MGA: variants seen among roughly 807,000 people sequenced by gnomAD.
MGA encodes MAX dimerization protein MGA, also known as MAX gene-associated protein.
In MGA, 40 loss-of-function variants were observed where a neutral mutation model predicts 261.1. The ratio of observed to expected loss-of-function variants is 0.15; its 90% CI spans 0.12 to 0.20. MGA has a LOEUF of 0.20. Ranked by LOEUF, MGA falls within the 10% of genes least tolerant of loss-of-function variation. The probability of loss-of-function intolerance (pLI) is 1.00; values close to 1 mark genes in which losing one functional copy is unlikely to be tolerated. For synonymous variants in MGA, 1,302 were observed against 1,290.6 expected, an observed-to-expected ratio of 1.01 and a Z score of -0.19; for missense variants, 3,397 against 3,630.5, an observed-to-expected ratio of 0.94 and a Z score of 1.65.
chr15:41,732,606 A>G (rs2061568373), intron 11 of MGA, among the ~76,000 whole-genome samples: 1 of 152,172 alleles, frequency 6.6e-6, no homozygotes, highest in African/African-American at 2.4e-5. Flanking sequence ...GGTGGGAGGT[A>G]TTTTAGTCCA....
intron 2 of MGA, among the ~76,000 whole-genome samples, chr15:41,695,543 A>G (rs1029188256): frequency 6.6e-6 from 1 of 152,190 alleles, no homozygotes. Context: ...TAGGCTTTCA[A>G]TGGATGATTG....
intron 2 of MGA, among the ~76,000 whole-genome samples, chr15:41,677,250 T>C (rs2058434783): frequency 6.6e-6 from 1 of 152,220 alleles, no homozygotes; most frequent in Non-Finnish European, 1.5e-5. Flanking sequence ...CAAGCGATCC[T>C]CCCACCCTAG....
At chr15:41,641,566 T>G (rs1053089216) in intron 1 of MGA, among the ~76,000 whole-genome samples, 8 of 150,440 alleles carry the variant, frequency 5.3e-5, no homozygotes, top group African/African-American at 2.0e-4. Context: ...CTTAGCTCAC[T>G]GCAACCTCTG....
intron 1 of MGA, among the ~76,000 whole-genome samples, chr15:41,621,863 G>A (rs1296616249): frequency 6.6e-6 from 1 of 152,214 alleles, no homozygotes; most frequent in Non-Finnish European, 1.5e-5. Context: ...CGAAGCGCGT[G>A]TGCGGCCTGT....
At chr15:41,712,228 T>A (rs1403915211) in intron 8 of MGA, among the ~76,000 whole-genome samples, 1 of 151,892 alleles carries the variant, frequency 6.6e-6, no homozygotes, top group Non-Finnish European at 1.5e-5. Context: ...CACAGCACAT[T>A]TATTTATTTA....
At chr15:41,667,882 C>T (rs1256668956) in intron 1 of MGA, among the ~76,000 whole-genome samples, 1 of 152,126 alleles carries the variant, frequency 6.6e-6, no homozygotes, top group Non-Finnish European at 1.5e-5. Flanking sequence ...TGGCTCAGTG[C>T]ACCTTCTGCC....
chr15:41,678,959 GCAGTGTGAGAC>G (rs1175983116), intron 2 of MGA, among the ~76,000 whole-genome samples: 4 of 152,112 alleles, frequency 2.6e-5, no homozygotes, highest in Admixed American at 2.0e-4. Flanking sequence ...TTCAAATTGG[GCAGTGTGAGAC>G]CACCAACTTT....
chr15:41,636,459 A>ATTT (rs1017999541), intron 1 of MGA, among the ~76,000 whole-genome samples: 1,392 of 87,416 alleles, frequency 0.016, 13 homozygotes, highest in Non-Finnish European at 0.025. Flanking sequence ...TGCTTGGCTA[A>ATTT]TTTTTTTTTT....
chr15:41,676,244 G>A (rs2058369154), intron 2 of MGA, among the ~76,000 whole-genome samples: 1 of 152,000 alleles, frequency 6.6e-6, no homozygotes, highest in African/African-American at 2.4e-5. Context: ...GTCCAGTGGT[G>A]CAATCTTGGC....
At chr15:41,739,443 T>C (rs1476053514) in intron 13 of MGA, among the ~76,000 whole-genome samples, 4 of 152,202 alleles carry the variant, frequency 2.6e-5, no homozygotes, top group African/African-American at 9.7e-5. Flanking sequence ...ATTTCACTTA[T>C]ATTTTTCAAA....
In MGA at chr15:41,669,312, C is replaced by T. The variant is rs189815293; in HGVS notation, c.418C>T (p.Arg140Cys). ...TAACCATCGTTATAAGTGGAATGGT[C>T]GTTGGTGGGAACCTAGTGGGAAGGC... The change falls in exon 2 of 24, where the codon CGT becomes TGT. Residue 140 changes from arginine (R) to cysteine (C), a missense_variant. Coordinates refer to ENST00000219905, the MANE Select transcript of MGA (RefSeq NM_001164273.2). 3.7e-6 allele frequency: 6 copies of T among 1,613,912 alleles called. No individual in the cohort carries two copies. The highest frequency in any genetic ancestry group is 2.2e-5 in the East Asian group (1 of 44,880).
chr15:41,726,716 A>G (rs1474108246), intron 9 of MGA, among the ~76,000 whole-genome samples: 2 of 147,824 alleles, frequency 1.4e-5, no homozygotes, highest in Non-Finnish European at 3.0e-5. Context: ...GTGACAGAAC[A>G]AGACTCTGTC....
At chr15:41,713,057 A>G in intron 8 of MGA, 94 bp from the exon 9 acceptor site, 1 of 1,505,372 alleles carries the variant, frequency 6.6e-7, no homozygotes, top group Non-Finnish European at 8.9e-7. Flanking sequence ...AGTACTTAAA[A>G]TCAGAGAGTA....
At chr15:41,682,572 C>T (rs2058739030) in intron 2 of MGA, among the ~76,000 whole-genome samples, 1 of 152,148 alleles carries the variant, frequency 6.6e-6, no homozygotes, top group South Asian at 2.1e-4. Context: ...CCTCTGCCAC[C>T]TGGGTTCAAG....
intron 5 of MGA, among the ~76,000 whole-genome samples, chr15:41,704,619 C>T (rs2060014658): frequency 6.6e-6 from 1 of 152,142 alleles, no homozygotes; most frequent in Non-Finnish European, 1.5e-5. Flanking sequence ...GATCGTGCCA[C>T]TGCACTCCAG....
chr15:41,755,253 G>A (rs1429736791), intron 18 of MGA, among the ~76,000 whole-genome samples: 2 of 152,156 alleles, frequency 1.3e-5, no homozygotes, highest in Non-Finnish European at 2.9e-5. Context: ...CATTAACTAC[G>A]ATGATATGAA....
intron 1 of MGA, among the ~76,000 whole-genome samples, chr15:41,654,001 C>G (rs184512041): frequency 5.9e-5 from 9 of 152,292 alleles, no homozygotes; most frequent in Admixed American, 3.3e-4. Flanking sequence ...GTGTCTCCCC[C>G]ACCCTGATTC....
chr15:41,674,095 T>C (rs1411726685), intron 2 of MGA, among the ~76,000 whole-genome samples: 1 of 152,174 alleles, frequency 6.6e-6, no homozygotes, highest in East Asian at 1.9e-4. Context: ...TTTTGCCATG[T>C]TGGCCAGGCT....
intron 5 of MGA, among the ~76,000 whole-genome samples, chr15:41,703,368 A>AACCCCC (rs529304989): frequency 1.1e-5 from 1 of 93,292 alleles, no homozygotes. Context: ...TTGTGAAGTT[A>AACCCCC]CCCCCCCCCC....
Sources: allele counts gnomAD v4.1 joint callset (sites outside exome capture counted in the v4.1 genomes callset), GRCh38; gene constraint gnomAD v4.1.1; transcripts MANE v1.5; gene names NCBI Gene and HGNC (gene_info 2026-07-23, HGNC 2026-07-21).